Variants in SYT14 observed in about 807,000 individuals in gnomAD.
SYT14 encodes the protein synaptotagmin 14, also known as synaptotagmin-14.
SYT14 carries 32 observed loss-of-function variants against 74.2 expected under a neutral mutation model. That is an observed-to-expected ratio of 0.43 (90% CI 0.33 to 0.58). The LOEUF (loss-of-function observed/expected upper bound fraction) is 0.58, where lower values mean the gene tolerates loss of function less well. Ranked by LOEUF, SYT14 falls within the 20% of genes least tolerant of loss-of-function variation. The pLI, the probability that SYT14 is intolerant of heterozygous loss-of-function variation, is 0.05. For synonymous variants in SYT14, 298 were observed against 337.7 expected, an observed-to-expected ratio of 0.88 and a Z score of 1.29; for missense variants, 791 against 981.8, an observed-to-expected ratio of 0.81 and a Z score of 2.60.
At chr1:210,004,129 G>T (rs893523400) in intron 2 of SYT14, among the ~76,000 whole-genome samples, 7 of 151,814 alleles carry the variant, frequency 4.6e-5, no homozygotes, top group East Asian at 1.9e-4. Context: ...TTTTTTTCCT[G>T]ACACATTTTA....
chr1:210,106,147 G>A (rs751180401), intron 7 of SYT14, among the ~76,000 whole-genome samples: 1 of 152,228 alleles, frequency 6.6e-6, no homozygotes, highest in Non-Finnish European at 1.5e-5. Flanking sequence ...CTGGGAAGCA[G>A]ACTCTGAGAG....
chr1:210,150,968 C>A (rs1031604475), intron 7 of SYT14, among the ~76,000 whole-genome samples: 3 of 152,140 alleles, frequency 2.0e-5, no homozygotes, highest in African/African-American at 7.2e-5. Flanking sequence ...GTAATGGCCA[C>A]CTTAACCACT....
intron 5 of SYT14, among the ~76,000 whole-genome samples, chr1:210,043,218 A>C (rs377124943): frequency 6.6e-6 from 1 of 152,188 alleles, no homozygotes; most frequent in Non-Finnish European, 1.5e-5. Flanking sequence ...ATTTGATCCA[A>C]TACAAAGCAT....
chr1:209,949,492 G>C (rs2078877137), intron 1 of SYT14, among the ~76,000 whole-genome samples: 4 of 150,696 alleles, frequency 2.7e-5, no homozygotes, highest in Admixed American at 2.6e-4. Flanking sequence ...AGAATTGCTT[G>C]AACCCGGGAG....
intron 5 of SYT14, among the ~76,000 whole-genome samples, chr1:210,056,896 T>C (rs2081110148): frequency 6.6e-6 from 1 of 151,508 alleles, no homozygotes; most frequent in African/African-American, 2.4e-5. Flanking sequence ...CAGGCTGGAG[T>C]GTAGTAGCTG....
intron 2 of SYT14, among the ~76,000 whole-genome samples, chr1:209,954,192 A>C (rs947259240): frequency 1.3e-5 from 2 of 152,254 alleles, no homozygotes; most frequent in Non-Finnish European, 2.9e-5. Context: ...GCTAGAAGCA[A>C]GAAAAGGAAA....
chr1:210,159,849 A>G (rs2083338455), intron 9 of SYT14, among the ~76,000 whole-genome samples: 1 of 152,192 alleles, frequency 6.6e-6, no homozygotes, highest in Admixed American at 6.5e-5. Context: ...CATGAGTCTA[A>G]AAAACTTGAA....
At chr1:209,997,443 T>TA (rs910516657) in intron 2 of SYT14, among the ~76,000 whole-genome samples, 1 of 151,978 alleles carries the variant, frequency 6.6e-6, no homozygotes, top group African/African-American at 2.4e-5. Flanking sequence ...TAAGGAATAT[T>TA]AAAAAACACT....
At chr1:210,086,347 T>G (rs538283376) in intron 5 of SYT14, among the ~76,000 whole-genome samples, 13 of 152,188 alleles carry the variant, frequency 8.5e-5, no homozygotes, top group Admixed American at 2.6e-4. Context: ...TCAAAAAATT[T>G]TTCACTTATT....
At chr1:210,118,128 A>G (rs776574963) in intron 7 of SYT14, among the ~76,000 whole-genome samples, 1 of 152,198 alleles carries the variant, frequency 6.6e-6, no homozygotes, top group Non-Finnish European at 1.5e-5. Context: ...CAAATGTTTT[A>G]TGGAAAGAGA....
chr1:209,988,328 C>T (rs562595303), intron 2 of SYT14, among the ~76,000 whole-genome samples: 51 of 152,308 alleles, frequency 3.3e-4, no homozygotes, highest in African/African-American at 1.2e-3. Context: ...TTACCACATT[C>T]GATCATTCCT....
At chr1:209,957,328 A>C (rs1202171863) in intron 2 of SYT14, among the ~76,000 whole-genome samples, 1 of 151,916 alleles carries the variant, frequency 6.6e-6, no homozygotes, top group Non-Finnish European at 1.5e-5. Context: ...ATTGCACCTT[A>C]TGATTTGGTA....
chr1:210,121,613 T>G (rs954743236), intron 7 of SYT14, among the ~76,000 whole-genome samples: 1 of 151,922 alleles, frequency 6.6e-6, no homozygotes, highest in South Asian at 2.1e-4. Context: ...GCTAACATGG[T>G]GAAACTCTGT....
chr1:210,088,267 G>T (rs1266363516), intron 5 of SYT14, among the ~76,000 whole-genome samples: 1 of 150,802 alleles, frequency 6.6e-6, no homozygotes, highest in Non-Finnish European at 1.5e-5. Context: ...TGTTACAAAG[G>T]TATACATGTG....
chr1:210,109,014 G>C (rs183849940), intron 7 of SYT14, among the ~76,000 whole-genome samples: 43 of 152,204 alleles, frequency 2.8e-4, no homozygotes, highest in Admixed American at 1.8e-3. Flanking sequence ...AAGAGGGCTA[G>C]GTTCTTAGAT....
At chr1:210,065,726 T>A (rs1205525856) in intron 5 of SYT14, among the ~76,000 whole-genome samples, 2 of 152,094 alleles carry the variant, frequency 1.3e-5, no homozygotes, top group African/African-American at 4.8e-5. Flanking sequence ...AATACTTTTT[T>A]AAATTTAATT....
intron 7 of SYT14, among the ~76,000 whole-genome samples, chr1:210,132,599 G>A (rs1017141686): frequency 3.3e-5 from 5 of 151,644 alleles, no homozygotes; most frequent in African/African-American, 1.2e-4. Flanking sequence ...GTGTGTGTGT[G>A]TGTGTAGCCA....
intron 7 of SYT14, among the ~76,000 whole-genome samples, chr1:210,132,297 C>T (rs2082691303): frequency 6.6e-6 from 1 of 152,062 alleles, no homozygotes; most frequent in Admixed American, 6.6e-5. Flanking sequence ...TATCTTTCTT[C>T]CCATCCTGGC....
At chr1:210,155,900 C>G in exon 8 of SYT14, 1 of 1,614,078 alleles carries the variant, frequency 6.2e-7, no homozygotes, top group South Asian at 1.1e-5. Context: ...TGGCAGCAAA[C>G]AGACCACCCA....
Sources: gnomAD v4.1 joint callset for allele counts (sites outside exome capture counted in the v4.1 genomes callset) on GRCh38, gnomAD v4.1.1 for gene constraint, MANE v1.5 for transcripts, NCBI Gene and HGNC (gene_info 2026-07-23, HGNC 2026-07-21) for gene names.